Variants in LRRIQ1 observed in about 807,000 individuals in gnomAD.
The protein encoded by LRRIQ1 is leucine-rich repeat- and IQ domain-containing protein 1.
LRRIQ1 carries 210 observed loss-of-function variants against 211.9 expected under a neutral mutation model. The ratio of observed to expected loss-of-function variants is 0.99; its 90% CI spans 0.89 to 1.11. The LOEUF (loss-of-function observed/expected upper bound fraction) is 1.11. Among genes scored for constraint, LRRIQ1 ranks in the 50% most tolerant of loss-of-function variants. LRRIQ1 has a pLI of 0.00. For missense variants in LRRIQ1, 2,136 were observed against 1,939.5 expected, an observed-to-expected ratio of 1.10 and a Z score of -1.90; for synonymous variants, 699 against 650.1, an observed-to-expected ratio of 1.08 and a Z score of -1.14.
chr12:85,190,008 T>A (rs1444984044), intron 24 of LRRIQ1, among the ~76,000 whole-genome samples: 4 of 141,994 alleles, frequency 2.8e-5, no homozygotes, highest in African/African-American at 1.0e-4. Flanking sequence ...TATAATTTAA[T>A]ATGTTATAAT....
intron 1 of LRRIQ1, among the ~76,000 whole-genome samples, chr12:85,255,737 A>T (rs1042494397): frequency 4.6e-5 from 7 of 151,704 alleles, no homozygotes; most frequent in African/African-American, 7.2e-5. Flanking sequence ...TGATTCTTGG[A>T]CTGAAATTTT....
intron 7 of LRRIQ1, among the ~76,000 whole-genome samples, chr12:85,053,853 G>A (rs952642008): frequency 1.5e-4 from 23 of 151,968 alleles, no homozygotes; most frequent in Admixed American, 1.5e-3. Context: ...GACTACAGGC[G>A]CCCGCCACTG....
intron 11 of LRRIQ1, among the ~76,000 whole-genome samples, chr12:85,075,527 G>T (rs975641698): frequency 4.6e-5 from 7 of 151,968 alleles, no homozygotes; most frequent in Admixed American, 1.3e-4. Flanking sequence ...GAATGTGGTG[G>T]TGGTGGGGAT....
rs192296650 is a variant in LRRIQ1 at position 85,221,586 on chromosome 12, G to C, written c.4823-7931G>C. On this transcript the variant is annotated intron_variant, in intron 24 of 26. Coordinates refer to ENST00000393217, the MANE Select transcript of LRRIQ1 (RefSeq NM_001079910.2). ...GGATGATCAGGGAGCATACCCCAAA[G>C]AATGGAAGTTCTAAACTGAGACCTA... is the stretch of plus-strand genomic sequence containing the variant. 2.4e-3 allele frequency among the ~76,000 whole-genome samples: 366 copies of C among 152,238 alleles called. 1 individual carries two copies. The highest frequency in any genetic ancestry group is 8.6e-3 in the African/African-American group (359 of 41,544).
At chr12:85,180,805 T>G (rs562605815) in intron 24 of LRRIQ1, among the ~76,000 whole-genome samples, 9 of 151,990 alleles carry the variant, frequency 5.9e-5, no homozygotes, top group African/African-American at 1.9e-4. Flanking sequence ...TAGAATTTGA[T>G]TATAGTAACT....
intron 19 of LRRIQ1, among the ~76,000 whole-genome samples, chr12:85,141,200 CAT>C (rs1205271028): frequency 1.3e-5 from 2 of 151,186 alleles, no homozygotes; most frequent in Admixed American, 1.3e-4. Flanking sequence ...TGAAATGTTT[CAT>C]GTGAACATAA....
chr12:85,075,285 AT>A (rs925566116), intron 11 of LRRIQ1, among the ~76,000 whole-genome samples: 22 of 151,470 alleles, frequency 1.5e-4, no homozygotes, highest in Non-Finnish European at 2.7e-4. Context: ...TGCCTCTACA[AT>A]TTTTTTTTAT....
intron 24 of LRRIQ1, among the ~76,000 whole-genome samples, chr12:85,190,667 C>T (rs562132938): frequency 1.8e-4 from 27 of 151,722 alleles, no homozygotes; most frequent in Non-Finnish European, 2.9e-4. Flanking sequence ...AACTCTACCA[C>T]TTTAAATGTT....
At chr12:85,178,728 T>C (rs905188171) in intron 24 of LRRIQ1, among the ~76,000 whole-genome samples, 1 of 151,964 alleles carries the variant, frequency 6.6e-6, no homozygotes, top group African/African-American at 2.4e-5. Context: ...TCTCCATCTA[T>C]TCCTGTTCAT....
chr12:85,260,389 C>T (rs973229286), intron 1 of LRRIQ1, among the ~76,000 whole-genome samples: 14 of 151,892 alleles, frequency 9.2e-5, no homozygotes, highest in East Asian at 7.7e-4. Flanking sequence ...TATTAACTAA[C>T]GAGAAATTAT....
intron 11 of LRRIQ1, among the ~76,000 whole-genome samples, chr12:85,091,703 T>G (rs1445279228): frequency 3.3e-5 from 5 of 152,204 alleles, no homozygotes; most frequent in African/African-American, 4.8e-5. Flanking sequence ...GGTCCGGTTT[T>G]ATTCTGGATG....
chr12:85,129,323 TAAATA>T (rs372018896), intron 18 of LRRIQ1, among the ~76,000 whole-genome samples: 47 of 152,264 alleles, frequency 3.1e-4, no homozygotes, highest in African/African-American at 1.1e-3. Flanking sequence ...AGATATAAAC[TAAATA>T]AAATAAGATC....
At chr12:85,129,206 T>A (rs979003930) in intron 18 of LRRIQ1, among the ~76,000 whole-genome samples, 1 of 152,176 alleles carries the variant, frequency 6.6e-6, no homozygotes, top group African/African-American at 2.4e-5. Flanking sequence ...CTCATCAAAT[T>A]TTTTTAGAAG....
chr12:85,065,173 A>C, intron 8 of LRRIQ1, 89 bp from the exon 9 acceptor site: 2 of 1,121,604 alleles, frequency 1.8e-6, no homozygotes, highest in Non-Finnish European at 2.5e-6. Flanking sequence ...TCTTAAATGA[A>C]TTTTCTAAAC....
chr12:85,176,789 C>T (rs1230045081), intron 24 of LRRIQ1, among the ~76,000 whole-genome samples: 3 of 151,812 alleles, frequency 2.0e-5, no homozygotes. Flanking sequence ...TTAGATGGGT[C>T]TATAATATTT....
At chr12:85,232,836 A>AATT (rs753395393) in intron 26 of LRRIQ1, 80 bp downstream of exon 26, 14 of 934,216 alleles carry the variant, frequency 1.5e-5, no homozygotes, top group South Asian at 1.3e-4. Context: ...ATATGTTTAT[A>AATT]ATTAAACTAT....
chr12:85,102,721 T>G (rs359987), intron 13 of LRRIQ1, among the ~76,000 whole-genome samples: 89,983 of 150,400 alleles, frequency 0.6, 29,151 homozygotes, highest in African/African-American at 0.86. Flanking sequence ...GTTGTTGTTG[T>G]TGGTGGTGGT....
At chr12:85,124,618 A>G (rs1200723447) in intron 17 of LRRIQ1, 99 bp downstream of exon 17, 2 of 893,806 alleles carry the variant, frequency 2.2e-6, no homozygotes, top group Admixed American at 2.2e-5. Context: ...GAAGGATTCA[A>G]ATCACAATCA....
chr12:85,216,509 A>G (rs1407507871), intron 24 of LRRIQ1, among the ~76,000 whole-genome samples: 1 of 150,294 alleles, frequency 6.7e-6, no homozygotes, highest in Non-Finnish European at 1.5e-5. Flanking sequence ...TATAATGTAT[A>G]TAATTCTTTA....
Sources: gnomAD v4.1 joint callset for allele counts (sites outside exome capture counted in the v4.1 genomes callset) on GRCh38, gnomAD v4.1.1 for gene constraint, MANE v1.5 for transcripts, NCBI Gene and HGNC (gene_info 2026-07-23, HGNC 2026-07-21) for gene names.